MFHAS1: variants seen among roughly 807,000 people sequenced by gnomAD.
MFHAS1 encodes the protein malignant fibrous histiocytoma-amplified sequence 1.
MFHAS1 carries 50 observed loss-of-function variants against 70.4 expected under a neutral mutation model. The observed-to-expected ratio is 0.71, with a 90% CI of 0.57 to 0.90. The LOEUF (loss-of-function observed/expected upper bound fraction) is 0.90. Among genes scored for constraint, MFHAS1 ranks in the 40% least tolerant of loss-of-function variants. The pLI, the probability that MFHAS1 is intolerant of heterozygous loss-of-function variation, is 0.00. For synonymous variants in MFHAS1, 952 were observed against 620.0 expected, an observed-to-expected ratio of 1.54 and a Z score of -7.96; for missense variants, 1,795 against 1,347.6, an observed-to-expected ratio of 1.33 and a Z score of -5.20.
chr8:8,809,088 C>T (rs1048293601), intron 1 of MFHAS1, among the ~76,000 whole-genome samples: 11 of 152,162 alleles, frequency 7.2e-5, no homozygotes, highest in South Asian at 4.2e-4. Context: ...CTAGGTTGCG[C>T]GCTCCTTGTA....
intron 1 of MFHAS1, among the ~76,000 whole-genome samples, chr8:8,871,480 G>A (rs1283305158): frequency 6.6e-6 from 1 of 152,208 alleles, no homozygotes; most frequent in Non-Finnish European, 1.5e-5. Context: ...AACCAGGGAG[G>A]TGGAGGTTGC....
chr8:8,832,091 C>G (rs1374352589), intron 1 of MFHAS1, among the ~76,000 whole-genome samples: 1 of 151,202 alleles, frequency 6.6e-6, no homozygotes, highest in Non-Finnish European at 1.5e-5. Context: ...CACACACACG[C>G]ACCAAAGTAA....
At position 8,891,636 on chromosome 8, in the gene MFHAS1, C is replaced by T; in HGVS notation, c.1423G>A (p.Val475Met). 1 of 1,613,630 alleles carries T rather than the reference C, an allele frequency of 6.2e-7. No homozygotes were observed. The highest frequency in any genetic ancestry group is 8.5e-7 in the Non-Finnish European group (1 of 1,180,032). ...ADASRGLRFI[V>M]YDLAGDESYE... ...CTTTCATCCCCAGCTAAGTCATACA[C>T]GATGAACCGCAGGCCCCGGGAGGCA... The change falls in exon 1 of 3, where the codon GTG (valine) becomes ATG (methionine). Residue 475 changes from valine (V) to methionine (M), a missense_variant. Transcript: ENST00000276282. The surrounding 1 kb of genome is among the most constrained non-coding windows in gnomAD (Gnocchi z 5.4).
At chr8:8,810,344 C>T (rs934468662) in intron 1 of MFHAS1, among the ~76,000 whole-genome samples, 4 of 152,214 alleles carry the variant, frequency 2.6e-5, no homozygotes, top group East Asian at 3.9e-4. Flanking sequence ...CCAGTATGGG[C>T]GGCAAAGCAA....
chr8:8,867,692 G>C (rs1313238441), intron 1 of MFHAS1, among the ~76,000 whole-genome samples: 4 of 151,754 alleles, frequency 2.6e-5, no homozygotes, highest in Admixed American at 2.6e-4. Flanking sequence ...CAAGTAGCTG[G>C]GACTACAGGC....
At chr8:8,859,174 G>C (rs1464097766) in intron 1 of MFHAS1, among the ~76,000 whole-genome samples, 1 of 152,180 alleles carries the variant, frequency 6.6e-6, no homozygotes, top group African/African-American at 2.4e-5. Flanking sequence ...CCAACATGGC[G>C]AAACCCCGTC....
chr8:8,835,121 G>T (rs1162583594), intron 1 of MFHAS1, among the ~76,000 whole-genome samples: 3 of 152,194 alleles, frequency 2.0e-5, no homozygotes, highest in Non-Finnish European at 4.4e-5. Context: ...CCCATGGACA[G>T]AAAGCAGATG....
intron 1 of MFHAS1, among the ~76,000 whole-genome samples, chr8:8,825,739 C>G (rs1450409300): frequency 6.6e-6 from 1 of 152,186 alleles, no homozygotes. Flanking sequence ...CAAATACTAC[C>G]TTCTGGAGAT....
Position 8,891,618 on chromosome 8 carries a change from C to A in MFHAS1, c.1441G>T (p.Asp481Tyr), listed in dbSNP as rs749785481. 5.6e-6 allele frequency: 9 copies of A among 1,613,594 alleles called. No homozygotes were observed. In the Admixed American group the frequency reaches 1.2e-4, roughly 21 times the overall value. Residue 481 changes from aspartate (D) to tyrosine (Y), a missense_variant, in exon 1 of 3, where the codon GAT becomes TAT. By Grantham distance (160) the Asp-to-Tyr change is radical (BLOSUM62 -3). Transcript: ENST00000276282. This position sits in a 1 kb window ranked among gnomAD's most constrained non-coding sequence, Gnocchi z 5.4. The stretch of plus-strand genomic sequence containing the variant: ...GGCTGGATCACCTCATAACTTTCAT[C>A]CCCAGCTAAGTCATACACGATGAAC... ...LRFIVYDLAG[D>Y]ESYEVIQPFF...
chr8:8,824,127 C>T (rs933546492), intron 1 of MFHAS1, among the ~76,000 whole-genome samples: 2 of 151,672 alleles, frequency 1.3e-5, no homozygotes, highest in African/African-American at 4.8e-5. Flanking sequence ...TTGTCTGACA[C>T]CTGACCAGTG....
At chr8:8,882,611 C>CA (rs1357005551) in intron 1 of MFHAS1, among the ~76,000 whole-genome samples, 1 of 151,882 alleles carries the variant, frequency 6.6e-6, no homozygotes, top group African/African-American at 2.4e-5. Context: ...GACTCCATCT[C>CA]AAAAAAATAA....
At chr8:8,881,383 C>T (rs913268906) in intron 1 of MFHAS1, among the ~76,000 whole-genome samples, 1 of 152,254 alleles carries the variant, frequency 6.6e-6, no homozygotes, top group African/African-American at 2.4e-5. Context: ...GCAATCATCT[C>T]TGCATTACGC....
rs1810033724 is a variant in MFHAS1 at position 8,891,490 on chromosome 8, G to A, written c.1569C>T (p.Val523=). ...CCACCGCGTGGGGCACTCTCGCCCC[G>A]ACCCGATGCAAGAAGGAGCCCACGG... ...PTTVGSFLHR[V]GARVPHAVVC... The change falls in exon 1 of 3, where the codon GTC becomes GTT. Residue 523 remains valine, a synonymous_variant. Transcript: ENST00000276282. The surrounding 1 kb of genome is among the most constrained non-coding windows in gnomAD (Gnocchi z 5.4). The A allele has an allele frequency of 1.2e-6, 2 of 1,613,062 alleles. No individual in the cohort carries two copies. The highest frequency in any genetic ancestry group is 1.7e-6 in the Non-Finnish European group (2 of 1,180,024).
At chr8:8,790,426 T>A (rs1805682647) in intron 2 of MFHAS1, 1 of 969,090 alleles carries the variant, frequency 1.0e-6, no homozygotes, top group African/African-American at 1.8e-5. Context: ...CAAGAAAGTA[T>A]GAAGATACCT....
intron 1 of MFHAS1, among the ~76,000 whole-genome samples, chr8:8,879,086 C>T (rs530243054): frequency 2.6e-5 from 4 of 152,234 alleles, no homozygotes; most frequent in South Asian, 2.1e-4. Context: ...TGGTGACTCA[C>T]GCCTGTAATC....
Position 8,891,894 on chromosome 8 carries a change from T to A in MFHAS1, c.1165A>T (p.Ile389Phe). The A allele has an allele frequency of 1.2e-6, 2 of 1,611,228 alleles. No homozygotes were observed. Among genetic ancestry groups the A allele is most frequent in the Non-Finnish European group, 1.7e-6 (2 of 1,178,662 alleles). The change falls in exon 1 of 3, where the codon ATC becomes TTC. Residue 389 changes from isoleucine to phenylalanine, a missense_variant. Physicochemically the swap from Ile to Phe is conservative, Grantham distance 21. Transcript: ENST00000276282. The surrounding 1 kb of genome is among the most constrained non-coding windows in gnomAD (Gnocchi z 5.4). ...QPPYEVCMKG[I>F]PYIAAYQKEL... The stretch of plus-strand genomic sequence containing the variant: ...TTCTGGTAGGCTGCGATGTAGGGGA[T>A]CCCCTTCATGCAGACCTCGTAGGGG...
At chr8:8,807,890 G>C (rs146663968) in intron 1 of MFHAS1, among the ~76,000 whole-genome samples, 256 of 152,298 alleles carry the variant, frequency 1.7e-3, no homozygotes, top group African/African-American at 5.8e-3. Context: ...TATATATAGT[G>C]ATATATTTAG....
At chr8:8,789,169 C>G (rs1247339640) in intron 2 of MFHAS1, among the ~76,000 whole-genome samples, 3 of 152,072 alleles carry the variant, frequency 2.0e-5, no homozygotes, top group Non-Finnish European at 4.4e-5. Flanking sequence ...AAGCCCGAGG[C>G]TGAAGCTGAA....
Position 8,876,563 on chromosome 8 carries a change from C to T in MFHAS1, c.2998+13498G>A, listed in dbSNP as rs1014385833. 1.7e-4 allele frequency among the ~76,000 whole-genome samples: 26 copies of T among 151,944 alleles called. 2 individuals carry two copies. Among genetic ancestry groups the T allele is most frequent in the Admixed American group, 6.6e-4 (10 of 15,262 alleles). On this transcript the variant is annotated intron_variant, in intron 1 of 2. Transcript: ENST00000276282. The stretch of plus-strand genomic sequence containing the variant: ...CAGTGTGGCTAACGTGGTGAAACCC[C>T]GTCTCTATTAAAAATACAAAAATTA...
Sources: gnomAD v4.1 joint callset for allele counts (sites outside exome capture counted in the v4.1 genomes callset) on GRCh38, gnomAD v4.1.1 for gene constraint, Gnocchi (gnomAD v3.1) non-coding constraint, MANE v1.5 for transcripts, NCBI Gene and HGNC (gene_info 2026-07-23, HGNC 2026-07-21) for gene names.